Variants in LAMA2 observed in about 807,000 individuals in gnomAD.
LAMA2 encodes the protein laminin subunit alpha-2.
A neutral mutation model predicts 364.8 loss-of-function variants in LAMA2; 269 were observed. The observed-to-expected ratio is 0.74, with a 90% confidence interval of 0.67 to 0.82. The LOEUF (loss-of-function observed/expected upper bound fraction) is 0.82. LAMA2 is among the 40% of genes least tolerant of loss of function. The pLI is 0.00. For missense variants in LAMA2, 3,807 were observed against 3,873.2 expected (o/e 0.98, Z 0.45); for synonymous variants, 1,379 against 1,370.6 (o/e 1.01, Z -0.14).
intron 15 of LAMA2, among the ~76,000 whole-genome samples, chr6:129,262,469 G>T (rs1316111996): frequency 1.3e-5 from 2 of 151,896 alleles, no homozygotes; most frequent in Non-Finnish European, 2.9e-5. Context: ...GTAACAGATA[G>T]ATAGAAGCAT....
chr6:129,184,138 T>C (rs1429357072), intron 10 of LAMA2, among the ~76,000 whole-genome samples: 1 of 152,006 alleles, frequency 6.6e-6, no homozygotes, highest in African/African-American at 2.4e-5. Flanking sequence ...TCTGTTCTTT[T>C]TCCCTGAAAG....
At chr6:129,208,142 C>G (rs1782803572) in intron 12 of LAMA2, among the ~76,000 whole-genome samples, 1 of 152,112 alleles carries the variant, frequency 6.6e-6, no homozygotes, top group Admixed American at 6.5e-5. Context: ...TTTTCTTACT[C>G]CCAGCATTAT....
At chr6:129,029,908 T>C (rs1482436928) in intron 1 of LAMA2, among the ~76,000 whole-genome samples, 2 of 152,118 alleles carry the variant, frequency 1.3e-5, no homozygotes, top group Non-Finnish European at 2.9e-5. Context: ...TTCCCCCTTC[T>C]GTTAATTGAC....
intron 3 of LAMA2, among the ~76,000 whole-genome samples, chr6:129,086,056 C>T (rs762382955): frequency 3.3e-5 from 5 of 152,150 alleles, no homozygotes; most frequent in Non-Finnish European, 7.4e-5. Context: ...TTGAGGTCAC[C>T]ACTTTAAAAT....
chr6:128,963,776 A>G (rs928524399), intron 1 of LAMA2, among the ~76,000 whole-genome samples: 52 of 152,220 alleles, frequency 3.4e-4, no homozygotes, highest in African/African-American at 1.2e-3. Context: ...AGAGGTTAAA[A>G]CCAGGAAGCC....
At chr6:129,280,004 T>G in intron 17 of LAMA2, 57 bp from the exon 18 acceptor site, 2 of 1,126,730 alleles carry the variant, frequency 1.8e-6, no homozygotes, top group African/African-American at 1.5e-5. Flanking sequence ...AAAATGCTAA[T>G]GACTTTGTGT....
At chr6:129,115,239 A>G (rs1469529246) in intron 4 of LAMA2, among the ~76,000 whole-genome samples, 1 of 152,086 alleles carries the variant, frequency 6.6e-6, no homozygotes, top group African/African-American at 2.4e-5. Context: ...ATCTTTCCAC[A>G]TGTGTGTTCT....
At chr6:129,277,649 TCTC>T (rs1200118444) in intron 17 of LAMA2, among the ~76,000 whole-genome samples, 1 of 152,112 alleles carries the variant, frequency 6.6e-6, no homozygotes, top group African/African-American at 2.4e-5. Flanking sequence ...CATACTAAAT[TCTC>T]CTGGAAATTT....
chr6:129,292,213 G>A (rs918655358), intron 20 of LAMA2, among the ~76,000 whole-genome samples: 1 of 152,162 alleles, frequency 6.6e-6, no homozygotes, highest in Non-Finnish European at 1.5e-5. Context: ...AGGCACGGTG[G>A]CAGGTGCCTG....
At chr6:129,049,609 C>T (rs551333625) in intron 1 of LAMA2, among the ~76,000 whole-genome samples, 2 of 151,870 alleles carry the variant, frequency 1.3e-5, no homozygotes, top group African/African-American at 4.8e-5. Flanking sequence ...TTACCAATAA[C>T]TTCAACAGAA....
rs112388451 is a variant in LAMA2 at position 128,980,905 on chromosome 6, T to A, written c.113-69013T>A. 9.3e-3 allele frequency among the ~76,000 whole-genome samples: 1,423 copies of A among 152,334 alleles called. 28 individuals carry two copies. The highest frequency in any genetic ancestry group is 0.032 in the African/African-American group (1,344 of 41,576). ...CCTGAAACGCGAATCATTGGACAAA[T>A]GTGAGATTTTTCCTTTAATTTATAC... On this transcript the variant is annotated intron_variant, in intron 1 of 64. Coordinates refer to ENST00000421865, the MANE Select transcript of LAMA2 (RefSeq NM_000426.4).
At chr6:129,389,872 C>A (rs1416719256) in intron 35 of LAMA2, among the ~76,000 whole-genome samples, 1 of 152,164 alleles carries the variant, frequency 6.6e-6, no homozygotes, top group Non-Finnish European at 1.5e-5. Flanking sequence ...CCTCCCTCAA[C>A]ATGTGGGTAT....
chr6:128,987,021 G>A (rs1157738641), intron 1 of LAMA2, among the ~76,000 whole-genome samples: 4 of 151,448 alleles, frequency 2.6e-5, no homozygotes, highest in East Asian at 1.9e-4. Context: ...TAAACAGTCC[G>A]CTTAAGAATA....
At chr6:129,181,868 C>G (rs891296604) in intron 10 of LAMA2, among the ~76,000 whole-genome samples, 1 of 151,676 alleles carries the variant, frequency 6.6e-6, no homozygotes, top group African/African-American at 2.4e-5. Flanking sequence ...TAAGTCTACC[C>G]CTAGTAGAAA....
At chr6:129,218,312 T>C (rs1159359341) in intron 12 of LAMA2, among the ~76,000 whole-genome samples, 2 of 152,176 alleles carry the variant, frequency 1.3e-5, no homozygotes, top group African/African-American at 4.8e-5. Flanking sequence ...TGACCCTCCC[T>C]GTACATGTTG....
intron 1 of LAMA2, among the ~76,000 whole-genome samples, chr6:128,983,216 T>G (rs892564998): frequency 1.3e-5 from 2 of 152,094 alleles, no homozygotes; most frequent in African/African-American, 4.8e-5. Flanking sequence ...TGAACTAGTT[T>G]ACAGTCCCAC....
At chr6:128,890,178 TATA>T (rs996847235) in intron 1 of LAMA2, among the ~76,000 whole-genome samples, 1 of 152,210 alleles carries the variant, frequency 6.6e-6, no homozygotes, top group African/African-American at 2.4e-5. Flanking sequence ...TTTAGATTGG[TATA>T]ATAATATGTA....
chr6:129,324,226 T>C (rs1775137202), intron 28 of LAMA2, among the ~76,000 whole-genome samples: 1 of 152,222 alleles, frequency 6.6e-6, no homozygotes, highest in South Asian at 2.1e-4. Context: ...GAAAAAACTA[T>C]TTGAGATAGA....
intron 31 of LAMA2, 48 bp downstream of exon 31, chr6:129,349,432 A>G: frequency 7.4e-7 from 1 of 1,351,920 alleles, no homozygotes; most frequent in Non-Finnish European, 1.1e-6. Context: ...TAGGGACTAT[A>G]TGGTAAAGGG....
Sources: allele counts gnomAD v4.1 joint callset (sites outside exome capture counted in the v4.1 genomes callset), GRCh38; gene constraint gnomAD v4.1.1; transcripts MANE v1.5; gene names NCBI Gene and HGNC (gene_info 2026-07-23, HGNC 2026-07-21).